The following CERT1 variants were observed in gnomAD, a reference collection of about 807,000 sequenced individuals.
CERT1 encodes ceramide transporter 1.
Under a neutral mutation model 87.9 loss-of-function variants are expected in CERT1, and 31 were observed. The ratio of observed to expected loss-of-function variants is 0.35; its 90% CI spans 0.27 to 0.48. CERT1 has a LOEUF of 0.48. Ranked by LOEUF, CERT1 falls within the 20% of genes least tolerant of loss-of-function variation. The pLI, the probability that CERT1 is intolerant of heterozygous loss-of-function variation, is 0.99. For synonymous variants in CERT1, 289 were observed against 250.9 expected, an observed-to-expected ratio of 1.15 and a Z score of -1.44; for missense variants, 487 against 758.0, an observed-to-expected ratio of 0.64 and a Z score of 4.20.
At chr5:75,375,491 G>A (rs1761258727), downstream of CERT1, 1 of 151,484 alleles carries the variant, frequency 6.6e-6, no homozygotes, top group Non-Finnish European at 1.5e-5. Context: ...GGAGGTAGGA[G>A]GAACACCTGA....
chr5:75,405,016 AAACAACAACAACAAC>A (rs61610976), intron 8 of CERT1, among the ~76,000 whole-genome samples: 1 of 151,740 alleles, frequency 6.6e-6, no homozygotes, highest in East Asian at 1.9e-4. Flanking sequence ...ACTCAGTCTC[AAACAACAACAACAAC>A]AACAACAACA....
At chr5:75,490,497 T>C (rs1766734343) in intron 2 of CERT1, among the ~76,000 whole-genome samples, 1 of 148,644 alleles carries the variant, frequency 6.7e-6, no homozygotes, top group Non-Finnish European at 1.5e-5. Context: ...TACGAAATTT[T>C]TATTTATTTA....
intron 1 of CERT1, among the ~76,000 whole-genome samples, chr5:75,507,654 G>C (rs1767716851): frequency 6.6e-6 from 1 of 152,144 alleles, no homozygotes; most frequent in African/African-American, 2.4e-5. Context: ...CTTCTGCTCA[G>C]AGTTAGTGTA....
chr5:75,499,501 C>T (rs1046093892), intron 2 of CERT1, among the ~76,000 whole-genome samples: 2 of 152,146 alleles, frequency 1.3e-5, no homozygotes, highest in African/African-American at 4.8e-5. Flanking sequence ...GAAGAAGTGC[C>T]TTCTGCCATG....
At chr5:75,370,606 ATATT>A (rs1352568303) in intron 17 of CERT1, 26 of 152,170 alleles carry the variant, frequency 1.7e-4, no homozygotes, top group African/African-American at 6.0e-4. Flanking sequence ...GATACACAAA[ATATT>A]TATTACATGT....
At chr5:75,424,819 T>C (rs1462273457) in intron 5 of CERT1, among the ~76,000 whole-genome samples, 2 of 152,094 alleles carry the variant, frequency 1.3e-5, no homozygotes, top group Non-Finnish European at 2.9e-5. Flanking sequence ...AAGAGTATCA[T>C]TTGAAAGTCT....
chr5:75,444,913 T>G (rs537432746), intron 3 of CERT1, among the ~76,000 whole-genome samples: 2 of 152,240 alleles, frequency 1.3e-5, no homozygotes, highest in African/African-American at 4.8e-5. Flanking sequence ...CTATACCTAT[T>G]TTTTTTGTGG....
Position 75,378,693 on chromosome 5 carries a change from C to A in CERT1, c.*653G>T, listed in dbSNP as rs1458119735. The A allele has an allele frequency of 3.3e-5, 5 of 151,932 alleles. No homozygotes were observed. Among genetic ancestry groups the A allele is most frequent in the Admixed American group, 1.3e-4 (2 of 15,260 alleles). 9.4% of individuals were successfully genotyped at this position (151,932 alleles called of 1,614,324 possible). The stretch of plus-strand genomic sequence containing the variant: ...TAGTAAGTATAAACATTTTAACATT[C>A]AAAAATATGTCAGTACATACACAGA... On this transcript the variant is annotated 3_prime_UTR_variant, in exon 17 of 17. Transcript: ENST00000643780.
chr5:75,396,001 G>A (rs974072412), intron 11 of CERT1, among the ~76,000 whole-genome samples: 22 of 152,328 alleles, frequency 1.4e-4, no homozygotes, highest in Admixed American at 1.4e-3. Context: ...AGATTCATGT[G>A]TTGGTACTAA....
At chr5:75,401,153 T>C (rs563420263) in intron 9 of CERT1, 1 of 152,196 alleles carries the variant, frequency 6.6e-6, no homozygotes. Context: ...TCAACATGCC[T>C]GGCTCTTAGG....
At chr5:75,508,101 T>C (rs1488256904) in intron 1 of CERT1, among the ~76,000 whole-genome samples, 9 of 152,212 alleles carry the variant, frequency 5.9e-5, no homozygotes, top group Non-Finnish European at 4.4e-5. Flanking sequence ...GCTCCAAAAC[T>C]TACATGGACA....
intron 3 of CERT1, among the ~76,000 whole-genome samples, chr5:75,428,623 A>G (rs1169543337): frequency 6.6e-6 from 1 of 151,594 alleles, no homozygotes; most frequent in Non-Finnish European, 1.5e-5. Context: ...GCTTGCAGTG[A>G]GCTGAGATTG....
At chr5:75,507,975 G>A (rs1382491169) in intron 1 of CERT1, among the ~76,000 whole-genome samples, 1 of 151,840 alleles carries the variant, frequency 6.6e-6, no homozygotes, top group African/African-American at 2.4e-5. Flanking sequence ...GTATTCCTTA[G>A]GAGACTTAAT....
At chr5:75,445,855 C>T (rs1764513353) in intron 3 of CERT1, among the ~76,000 whole-genome samples, 1 of 152,082 alleles carries the variant, frequency 6.6e-6, no homozygotes, top group Admixed American at 6.5e-5. Flanking sequence ...ATACATTGGC[C>T]CATACCTTCT....
intron 17 of CERT1, chr5:75,371,883 G>T (rs1038551522): frequency 2.6e-5 from 4 of 152,110 alleles, no homozygotes; most frequent in African/African-American, 9.7e-5. Context: ...TCTAAATGTT[G>T]TCCAGAAGGC....
At chr5:75,503,551 G>A (rs1767482031) in intron 2 of CERT1, among the ~76,000 whole-genome samples, 6 of 151,752 alleles carry the variant, frequency 4.0e-5, no homozygotes, top group Admixed American at 3.9e-4. Context: ...TGAACCCAAA[G>A]GGCAAGGAAA....
At chr5:75,475,234 G>C (rs914055387) in intron 2 of CERT1, among the ~76,000 whole-genome samples, 2 of 152,070 alleles carry the variant, frequency 1.3e-5, no homozygotes, top group Admixed American at 1.3e-4. Context: ...TGCCATGATA[G>C]CCAGACATTT....
At chr5:75,449,689 C>G (rs1021168725) in intron 3 of CERT1, among the ~76,000 whole-genome samples, 4 of 149,404 alleles carry the variant, frequency 2.7e-5, no homozygotes, top group African/African-American at 7.3e-5. Flanking sequence ...CACGTCCTCA[C>G]CAACACTTGG....
chr5:75,395,555 CAAAA>C (rs35109034), intron 11 of CERT1, among the ~76,000 whole-genome samples: 8 of 48,008 alleles, frequency 1.7e-4, no homozygotes, highest in South Asian at 1.8e-3. Flanking sequence ...TGTCTCTTTA[CAAAA>C]AAAAAAAAAA....
Sources: allele counts gnomAD v4.1 joint callset (sites outside exome capture counted in the v4.1 genomes callset), GRCh38; gene constraint gnomAD v4.1.1; transcripts MANE v1.5; gene names NCBI Gene and HGNC (gene_info 2026-07-23, HGNC 2026-07-21).